Variants in LDB2 observed in about 807,000 individuals in gnomAD.
LDB2 encodes LIM domain-binding protein 2.
Under a neutral mutation model 44.3 loss-of-function variants are expected in LDB2, and 12 were observed. That is an observed-to-expected ratio of 0.27 (90% CI 0.17 to 0.44). LDB2 has a LOEUF of 0.44. Ranked by LOEUF, LDB2 falls within the 20% of genes least tolerant of loss-of-function variation. The probability of loss-of-function intolerance (pLI) is 1.00; values close to 1 mark genes in which losing one functional copy is unlikely to be tolerated. For synonymous variants in LDB2, 164 were observed against 174.8 expected, an observed-to-expected ratio of 0.94 and a Z score of 0.49; for missense variants, 344 against 473.5, an observed-to-expected ratio of 0.73 and a Z score of 2.54.
chr4:16,531,245 G>A lies in LDB2; in HGVS notation c.616-19141C>T, dbSNP rs75081258. Reference sequence around the variant, plus strand: ...GGTACACAGTTCTGATACCAAGGCTGATTAAACAGCATGTTGCCAAGTCCT... The same window carrying A: ...GGTACACAGTTCTGATACCAAGGCTAATTAAACAGCATGTTGCCAAGTCCT... On this transcript the variant is annotated intron_variant, in intron 5 of 7. Coordinates refer to ENST00000304523, the MANE Select transcript of LDB2 (RefSeq NM_001290.5). Among the ~76,000 whole-genome samples the A allele has an allele frequency of 9.0e-3, 1,375 of 152,328 alleles. 16 individuals are homozygous for A. The highest frequency in any genetic ancestry group is 0.032 in the African/African-American group (1,311 of 41,562).
intron 1 of LDB2, among the ~76,000 whole-genome samples, chr4:16,828,812 G>T (rs1580047781): frequency 6.6e-6 from 1 of 152,286 alleles, no homozygotes; most frequent in South Asian, 2.1e-4. Flanking sequence ...ATCATTCAAT[G>T]AATTCTTGGA....
intron 1 of LDB2, among the ~76,000 whole-genome samples, chr4:16,891,978 T>G (rs540179874): frequency 6.6e-6 from 1 of 152,342 alleles, no homozygotes; most frequent in East Asian, 1.9e-4. Flanking sequence ...CAGTTTCCAG[T>G]TTCCTCATTA....
intron 2 of LDB2, among the ~76,000 whole-genome samples, chr4:16,701,077 G>T (rs1178957333): frequency 1.3e-5 from 2 of 152,136 alleles, no homozygotes; most frequent in Non-Finnish European, 2.9e-5. Flanking sequence ...ATGACCCAAG[G>T]CTACACTGCA....
intron 5 of LDB2, among the ~76,000 whole-genome samples, chr4:16,531,454 A>G (rs566752265): frequency 1.3e-5 from 2 of 152,324 alleles, no homozygotes; most frequent in South Asian, 2.1e-4. Flanking sequence ...GGCAAACAAC[A>G]TATTATTCAG....
intron 1 of LDB2, among the ~76,000 whole-genome samples, chr4:16,844,866 T>C (rs1278653189): frequency 6.6e-6 from 1 of 152,226 alleles, no homozygotes; most frequent in Non-Finnish European, 1.5e-5. Context: ...TCAGGCTTGA[T>C]ACTGTATTAA....
At chr4:16,646,557 T>C (rs866493914) in intron 2 of LDB2, among the ~76,000 whole-genome samples, 1 of 152,176 alleles carries the variant, frequency 6.6e-6, no homozygotes, top group Non-Finnish European at 1.5e-5. Context: ...AAGAAGAATA[T>C]GGCCTGGGGA....
chr4:16,656,059 C>T (rs867727000), intron 2 of LDB2, among the ~76,000 whole-genome samples: 1 of 151,862 alleles, frequency 6.6e-6, no homozygotes, highest in African/African-American at 2.4e-5. Flanking sequence ...GCCACCACGC[C>T]CGGCTAATTT....
chr4:16,833,197 A>T (rs148419609), intron 1 of LDB2, among the ~76,000 whole-genome samples: 15 of 152,346 alleles, frequency 9.8e-5, no homozygotes, highest in African/African-American at 3.4e-4. Context: ...GGCCAATAAG[A>T]TATTCTAGAA....
At chr4:16,730,884 C>T (rs1028121889) in intron 2 of LDB2, among the ~76,000 whole-genome samples, 4 of 152,204 alleles carry the variant, frequency 2.6e-5, no homozygotes, top group Non-Finnish European at 5.9e-5. Flanking sequence ...TACAACAATC[C>T]TGTTCCATTA....
At chr4:16,785,438 G>A (rs1289505535) in intron 1 of LDB2, among the ~76,000 whole-genome samples, 1 of 152,108 alleles carries the variant, frequency 6.6e-6, no homozygotes, top group East Asian at 1.9e-4. Context: ...AGGCTTCATG[G>A]TGAGGACGGA....
At chr4:16,554,004 C>G (rs980404046) in intron 5 of LDB2, among the ~76,000 whole-genome samples, 1 of 152,022 alleles carries the variant, frequency 6.6e-6, no homozygotes, top group African/African-American at 2.4e-5. Flanking sequence ...AGATCTCTCT[C>G]TCTTCCCCCT....
chr4:16,505,606 C>T (rs1036349142), intron 7 of LDB2, among the ~76,000 whole-genome samples: 4 of 152,018 alleles, frequency 2.6e-5, no homozygotes, highest in African/African-American at 9.7e-5. Context: ...TTGTTAGCAA[C>T]ATTTCCCCCC....
chr4:16,615,074 A>AG (rs1467939191), intron 2 of LDB2, among the ~76,000 whole-genome samples: 3 of 149,598 alleles, frequency 2.0e-5, no homozygotes, highest in African/African-American at 7.3e-5. Context: ...CGTCTCAAAA[A>AG]AAAAAAAAAA....
At chr4:16,521,993 A>G (rs1309868093) in intron 5 of LDB2, among the ~76,000 whole-genome samples, 1 of 152,064 alleles carries the variant, frequency 6.6e-6, no homozygotes, top group Admixed American at 6.6e-5. Flanking sequence ...CTACTTAATA[A>G]GGGGGTGACC....
Position 16,759,362 on chromosome 4 carries a change from A to G in LDB2, c.133-102T>C. ...AGAAAAACTCAGCTGCTCCTTGCTC[A>G]TTACTTCGCGTATGTGTGTAGGTGT... On this transcript the variant is annotated intron_variant, in intron 1 of 7. Coordinates refer to ENST00000304523, the MANE Select transcript of LDB2 (RefSeq NM_001290.5). 4 of 841,232 alleles carry G rather than the reference A, an allele frequency of 4.8e-6. No individual in the cohort carries two copies. In the South Asian group the frequency reaches 5.8e-5, roughly 12 times the overall value. 52.1% of individuals were successfully genotyped at this position (841,232 alleles called of 1,614,324 possible).
At chr4:16,602,349 G>A (rs1722797896) in intron 2 of LDB2, among the ~76,000 whole-genome samples, 1 of 152,178 alleles carries the variant, frequency 6.6e-6, no homozygotes, top group Non-Finnish European at 1.5e-5. Context: ...AAGAGGTCCA[G>A]GCCCAAGAAC....
chr4:16,751,117 T>C (rs1765416925), intron 2 of LDB2, among the ~76,000 whole-genome samples: 1 of 152,130 alleles, frequency 6.6e-6, no homozygotes, highest in Non-Finnish European at 1.5e-5. Flanking sequence ...CATTTTCTGG[T>C]TAGTACCTCA....
intron 2 of LDB2, among the ~76,000 whole-genome samples, chr4:16,702,767 C>G (rs541571911): frequency 6.6e-6 from 1 of 152,262 alleles, no homozygotes; most frequent in African/African-American, 2.4e-5. Flanking sequence ...AGGAAGACTG[C>G]CCACACGGCT....
intron 2 of LDB2, among the ~76,000 whole-genome samples, chr4:16,708,101 G>A (rs1755016619): frequency 6.6e-6 from 1 of 152,060 alleles, no homozygotes; most frequent in Non-Finnish European, 1.5e-5. Flanking sequence ...GCTCACTGGT[G>A]GTAATTCATC....
Sources: allele counts gnomAD v4.1 joint callset (sites outside exome capture counted in the v4.1 genomes callset), GRCh38; gene constraint gnomAD v4.1.1; transcripts MANE v1.5; gene names NCBI Gene and HGNC (gene_info 2026-07-23, HGNC 2026-07-21).